COX7B2: variants seen among roughly 807,000 people sequenced by gnomAD.
COX7B2 encodes the protein cytochrome c oxidase subunit 7B2.
For missense variants in COX7B2, 109 were observed against 95.9 expected (o/e 1.14, Z -0.57); for synonymous variants, 37 against 32.1 (o/e 1.15, Z -0.51).
intron 2 of COX7B2, among the ~76,000 whole-genome samples, chr4:46,829,773 T>C (rs900025543): frequency 1.3e-5 from 2 of 152,304 alleles, no homozygotes; most frequent in East Asian, 3.9e-4. Context: ...GGTATTTTTG[T>C]TTACACAATA....
chr4:46,827,563 A>G (rs2109714363), intron 2 of COX7B2, among the ~76,000 whole-genome samples: 1 of 152,260 alleles, frequency 6.6e-6, no homozygotes, highest in East Asian at 1.9e-4. Context: ...AGCAAAACAA[A>G]CAAATTTTAA....
chr4:46,810,891 C>A (rs905263222), intron 2 of COX7B2, among the ~76,000 whole-genome samples: 15 of 152,240 alleles, frequency 9.9e-5, no homozygotes, highest in Middle Eastern at 6.8e-3. Context: ...TCCTTTATTT[C>A]TGAAAGACAG....
At chr4:46,754,847 G>A (rs991679714) in intron 2 of COX7B2, among the ~76,000 whole-genome samples, 2 of 149,988 alleles carry the variant, frequency 1.3e-5, no homozygotes, top group African/African-American at 4.9e-5. Context: ...TAGATTCACA[G>A]CCAAATACTA....
chr4:46,738,126 A>G (rs1190565105), intron 2 of COX7B2, among the ~76,000 whole-genome samples: 3 of 152,142 alleles, frequency 2.0e-5, no homozygotes, highest in Non-Finnish European at 4.4e-5. Flanking sequence ...TGTGCCACAC[A>G]TTGCTTTCAT....
chr4:46,734,992 T>G lies in COX7B2; in HGVS notation c.201A>C (p.Leu67=), dbSNP rs778315894. 6 of 1,613,956 alleles carry G rather than the reference T, an allele frequency of 3.7e-6. No homozygotes were observed. Among genetic ancestry groups the G allele is most frequent in the African/African-American group, 2.7e-5 (2 of 74,934 alleles). Residue 67 remains leucine (L), a synonymous_variant, in exon 3 of 3, where the codon CTA becomes CTC. Transcript: ENST00000355591. ...TTGGGGTAACTCTGCCAACAGGGGA[T>G]AGGTTCCATTCTATTCCAATCTGAG... The part of the protein sequence containing the change: ...TATQIGIEWN[L]SPVGRVTPKE...
At chr4:46,902,921 T>G (rs1217149051) in intron 1 of COX7B2, among the ~76,000 whole-genome samples, 1 of 152,080 alleles carries the variant, frequency 6.6e-6, no homozygotes, top group Non-Finnish European at 1.5e-5. Flanking sequence ...TTTGTAGTCA[T>G]TCTATAACTA....
chr4:46,904,235 A>T (rs931172393), intron 1 of COX7B2, among the ~76,000 whole-genome samples: 1 of 152,160 alleles, frequency 6.6e-6, no homozygotes, highest in African/African-American at 2.4e-5. Flanking sequence ...GTACTATATT[A>T]AAAGAAAAAT....
intron 2 of COX7B2, among the ~76,000 whole-genome samples, chr4:46,830,470 G>A (rs1715002946): frequency 1.3e-5 from 2 of 152,080 alleles, no homozygotes; most frequent in South Asian, 4.1e-4. Context: ...ATTTTAGTCT[G>A]GGTATTTGGC....
chr4:46,833,189 G>A (rs1715278715), intron 2 of COX7B2, among the ~76,000 whole-genome samples: 6 of 152,138 alleles, frequency 3.9e-5, no homozygotes, highest in Admixed American at 3.9e-4. Flanking sequence ...ACAGGTGTGA[G>A]CCACCGCGCC....
intron 2 of COX7B2, among the ~76,000 whole-genome samples, chr4:46,834,521 A>G (rs1715382020): frequency 6.6e-6 from 1 of 152,154 alleles, no homozygotes; most frequent in South Asian, 2.1e-4. Context: ...AAAAAAATGA[A>G]TATTTCAATA....
intron 2 of COX7B2, among the ~76,000 whole-genome samples, chr4:46,742,775 C>T (rs1714793904): frequency 6.6e-6 from 1 of 151,886 alleles, no homozygotes; most frequent in South Asian, 2.1e-4. Flanking sequence ...CCTCAAATGC[C>T]ATATGTTGCC....
At chr4:46,766,395 C>T (rs1477544031) in intron 2 of COX7B2, among the ~76,000 whole-genome samples, 1 of 152,056 alleles carries the variant, frequency 6.6e-6, no homozygotes, top group East Asian at 1.9e-4. Context: ...TGTCACACTT[C>T]ATCATCAAAT....
At chr4:46,762,170 C>T (rs1716190455) in intron 2 of COX7B2, among the ~76,000 whole-genome samples, 1 of 80,446 alleles carries the variant, frequency 1.2e-5, no homozygotes, top group African/African-American at 4.0e-5. Context: ...GTAGTCTAAA[C>T]AGAAAACAAA....
At chr4:46,795,157 C>T (rs2109599633) in intron 2 of COX7B2, among the ~76,000 whole-genome samples, 1 of 131,314 alleles carries the variant, frequency 7.6e-6, no homozygotes, top group East Asian at 2.1e-4. Flanking sequence ...GTTGCCTGTT[C>T]ACTCTGATGG....
chr4:46,807,542 T>C lies in COX7B2; in HGVS notation c.-50+37418A>G, dbSNP rs796340893. Among the ~76,000 whole-genome samples, 4 of 152,008 alleles carry C rather than the reference T, an allele frequency of 2.6e-5. No individual in the cohort carries two copies. The East Asian group carries it at 7.7e-4, about 29-fold the overall frequency. ...GTCTCATTTATTTTATTTTTGTTTT[T>C]TGTGGCCTGAGCTTTTGGTGCTGTC... On this transcript the variant is annotated intron_variant, in intron 2 of 2. Transcript: ENST00000355591.
intron 2 of COX7B2, among the ~76,000 whole-genome samples, chr4:46,820,834 AATATATAT>A (rs1194238870): frequency 7.7e-6 from 1 of 129,222 alleles, no homozygotes; most frequent in Non-Finnish European, 1.6e-5. Flanking sequence ...AAAAAAAAAA[AATATATAT>A]ATATATATAT....
chr4:46,859,098 T>G (rs184163147), intron 1 of COX7B2, among the ~76,000 whole-genome samples: 7 of 152,284 alleles, frequency 4.6e-5, no homozygotes, highest in African/African-American at 1.4e-4. Flanking sequence ...AATGCATGAT[T>G]AGATGAAATA....
At chr4:46,859,988 C>G (rs2109798271) in intron 1 of COX7B2, among the ~76,000 whole-genome samples, 1 of 152,254 alleles carries the variant, frequency 6.6e-6, no homozygotes, top group Middle Eastern at 3.4e-3. Flanking sequence ...TGCTTTTTCC[C>G]ACCATCAGCT....
At chr4:46,831,616 G>A (rs889079803) in intron 2 of COX7B2, among the ~76,000 whole-genome samples, 10 of 152,278 alleles carry the variant, frequency 6.6e-5, no homozygotes, top group Admixed American at 6.5e-4. Context: ...ACACCAATCA[G>A]CATCCTGTCT....
Sources: gnomAD v4.1 joint callset for allele counts (sites outside exome capture counted in the v4.1 genomes callset) on GRCh38, gnomAD v4.1.1 for gene constraint, MANE v1.5 for transcripts, NCBI Gene and HGNC (gene_info 2026-07-23, HGNC 2026-07-21) for gene names.